SGCZ: variants seen among roughly 807,000 people sequenced by gnomAD.
SGCZ encodes the protein sarcoglycan zeta.
A neutral mutation model predicts 41.3 loss-of-function variants in SGCZ; 40 were observed. The observed-to-expected ratio is 0.97, with a 90% CI of 0.75 to 1.26. The LOEUF is 1.26. SGCZ is among the 50% of genes most tolerant of loss of function. The pLI is 0.00. For synonymous variants in SGCZ, 206 were observed against 137.5 expected (o/e 1.50, Z -3.49); for missense variants, 552 against 369.8 (o/e 1.49, Z -4.04).
chr8:14,984,845 A>T (rs868388347), intron 1 of SGCZ, among the ~76,000 whole-genome samples: 1 of 152,062 alleles, frequency 6.6e-6, no homozygotes, highest in Non-Finnish European at 1.5e-5. Flanking sequence ...GTGTTTTGGG[A>T]CGTTTTCAAT....
intron 4 of SGCZ, among the ~76,000 whole-genome samples, chr8:14,219,545 G>A (rs762822199): frequency 6.6e-6 from 1 of 152,084 alleles, no homozygotes; most frequent in Non-Finnish European, 1.5e-5. Context: ...TCAGGAGTTC[G>A]AGACCAGCCT....
intron 1 of SGCZ, among the ~76,000 whole-genome samples, chr8:15,036,771 A>G (rs1322493000): frequency 6.6e-6 from 1 of 152,092 alleles, no homozygotes; most frequent in Non-Finnish European, 1.5e-5. Flanking sequence ...TTAGGACAAT[A>G]TCTAGAAAAG....
intron 2 of SGCZ, among the ~76,000 whole-genome samples, chr8:14,358,088 C>T (rs1336196026): frequency 2.0e-5 from 3 of 152,120 alleles, no homozygotes; most frequent in African/African-American, 7.2e-5. Context: ...CCTGGCACCA[C>T]CAAAGTATAA....
At chr8:14,905,704 A>G (rs1461175012) in intron 1 of SGCZ, among the ~76,000 whole-genome samples, 1 of 152,116 alleles carries the variant, frequency 6.6e-6, no homozygotes, top group Non-Finnish European at 1.5e-5. Flanking sequence ...ACGTAAGTGA[A>G]GATATACATA....
At chr8:14,291,132 T>A (rs1226504103) in intron 3 of SGCZ, among the ~76,000 whole-genome samples, 2 of 151,988 alleles carry the variant, frequency 1.3e-5, no homozygotes, top group Admixed American at 1.3e-4. Flanking sequence ...ATCACAAAAG[T>A]ACAGAGTAAA....
intron 1 of SGCZ, among the ~76,000 whole-genome samples, chr8:14,599,943 T>C (rs1477593495): frequency 6.6e-6 from 1 of 152,138 alleles, no homozygotes; most frequent in Non-Finnish European, 1.5e-5. Context: ...TAAAATAAAA[T>C]AAAAATGGAA....
At chr8:14,592,429 T>C (rs1482638359) in intron 1 of SGCZ, among the ~76,000 whole-genome samples, 2 of 152,142 alleles carry the variant, frequency 1.3e-5, no homozygotes, top group African/African-American at 4.8e-5. Flanking sequence ...TATTTCATAT[T>C]CAGGATTCTA....
At chr8:14,893,619 GC>G (rs1563344430) in intron 1 of SGCZ, among the ~76,000 whole-genome samples, 1 of 152,066 alleles carries the variant, frequency 6.6e-6, no homozygotes, top group Non-Finnish European at 1.5e-5. Context: ...TTCTCATAAA[GC>G]TTTATAAATA....
intron 1 of SGCZ, among the ~76,000 whole-genome samples, chr8:15,229,756 A>G (rs1208722755): frequency 6.6e-6 from 1 of 152,218 alleles, no homozygotes; most frequent in Non-Finnish European, 1.5e-5. Flanking sequence ...CATTCATGAC[A>G]TTGATTTATT....
chr8:14,180,902 G>A (rs950949452), intron 4 of SGCZ, among the ~76,000 whole-genome samples: 7 of 151,742 alleles, frequency 4.6e-5, no homozygotes, highest in Admixed American at 1.3e-4. Context: ...GGAGTGCCAT[G>A]AAGACTACCA....
At chr8:14,721,522 C>A (rs1372080139) in intron 1 of SGCZ, among the ~76,000 whole-genome samples, 1 of 152,136 alleles carries the variant, frequency 6.6e-6, no homozygotes, top group African/African-American at 2.4e-5. Flanking sequence ...TATTTCACAT[C>A]GGCCCATCAA....
At chr8:14,530,256 C>T (rs753147646) in intron 2 of SGCZ, among the ~76,000 whole-genome samples, 2 of 151,904 alleles carry the variant, frequency 1.3e-5, no homozygotes, top group Non-Finnish European at 2.9e-5. Flanking sequence ...TAGAGTAATG[C>T]CTTTTGGTCC....
intron 4 of SGCZ, among the ~76,000 whole-genome samples, chr8:14,234,129 T>C (rs929987833): frequency 2.6e-5 from 4 of 151,774 alleles, no homozygotes; most frequent in Non-Finnish European, 2.9e-5. Context: ...AAAATATCTG[T>C]CAAATTGATT....
At chr8:14,871,820 G>GTC (rs947992501) in intron 1 of SGCZ, among the ~76,000 whole-genome samples, 6 of 149,170 alleles carry the variant, frequency 4.0e-5, no homozygotes, top group African/African-American at 1.3e-4. Context: ...TATAATATGT[G>GTC]TGTGTATATA....
intron 7 of SGCZ, among the ~76,000 whole-genome samples, chr8:14,100,375 G>C: frequency 6.6e-6 from 1 of 151,040 alleles, no homozygotes; most frequent in East Asian, 1.9e-4. Context: ...TTTATTATGA[G>C]CAATTTGAAT....
intron 1 of SGCZ, among the ~76,000 whole-genome samples, chr8:15,093,285 C>A (rs1169312043): frequency 6.6e-6 from 1 of 152,144 alleles, no homozygotes; most frequent in Non-Finnish European, 1.5e-5. Context: ...GCCACAGTAC[C>A]GACTTCTCTG....
At chr8:14,302,304 C>T (rs1161699110) in intron 3 of SGCZ, among the ~76,000 whole-genome samples, 1 of 152,128 alleles carries the variant, frequency 6.6e-6, no homozygotes, top group Non-Finnish European at 1.5e-5. Context: ...ATTGATTGAA[C>T]ACGTAATCTT....
chr8:14,261,184 A>T (rs921278086), intron 3 of SGCZ, among the ~76,000 whole-genome samples: 1 of 152,254 alleles, frequency 6.6e-6, no homozygotes, highest in Admixed American at 6.5e-5. Flanking sequence ...TTGCCCAAGT[A>T]AAACAACTTT....
rs532776681 is a variant in SGCZ, at chr8:14,728,233, T to G, written c.40-173307A>C. On this transcript the variant is annotated intron_variant, in intron 1 of 7. Transcript: ENST00000382080. The stretch of plus-strand genomic sequence containing the variant: ...TTTTTTAATTTGTGATAATTTTCTC[T>G]AAAAATAAATTAACAGGACTTAATT... Among the ~76,000 whole-genome samples, 6 of 151,942 alleles carry G rather than the reference T, an allele frequency of 3.9e-5. No individual in the cohort carries two copies. The South Asian group carries it at 1.0e-3, about 26-fold the overall frequency.
Sources: allele counts gnomAD v4.1 joint callset (sites outside exome capture counted in the v4.1 genomes callset), GRCh38; gene constraint gnomAD v4.1.1; transcripts MANE v1.5; gene names NCBI Gene and HGNC (gene_info 2026-07-23, HGNC 2026-07-21).